The following FARS2 variants were observed in gnomAD, a reference collection of about 807,000 sequenced individuals.
FARS2 encodes the protein phenylalanyl-tRNA synthetase 2, mitochondrial, also known as phenylalanine--tRNA ligase, mitochondrial.
Under a neutral mutation model 46.4 loss-of-function variants are expected in FARS2, and 40 were observed. The ratio of observed to expected loss-of-function variants is 0.86; its 90% CI spans 0.67 to 1.12. FARS2 has a LOEUF of 1.12. Among genes scored for constraint, FARS2 ranks in the 50% most tolerant of loss-of-function variants. The pLI, the probability that FARS2 is intolerant of heterozygous loss-of-function variation, is 0.00. For synonymous variants in FARS2, 234 were observed against 214.9 expected (o/e 1.09, Z -0.78); for missense variants, 513 against 567.9 (o/e 0.90, Z 0.98).
chr6:5,298,862 C>CAAAAA (rs771852149), intron 1 of FARS2, among the ~76,000 whole-genome samples: 2 of 74,756 alleles, frequency 2.7e-5, no homozygotes, highest in Non-Finnish European at 3.0e-5. Flanking sequence ...AACTCCATCT[C>CAAAAA]AAAAAAAAAA....
At chr6:5,691,787 T>C (rs898292645) in intron 6 of FARS2, among the ~76,000 whole-genome samples, 7 of 152,162 alleles carry the variant, frequency 4.6e-5, no homozygotes, top group Admixed American at 2.0e-4. Flanking sequence ...CCCCCAGAGG[T>C]AGAGTCTACA....
chr6:5,250,902 T>C, the FARS2 span, among the ~76,000 whole-genome samples: 19 of 152,352 alleles, frequency 1.2e-4, no homozygotes, highest in African/African-American at 4.1e-4. Context: ...ATTTGGCTGC[T>C]TAAAATAGAA....
chr6:5,362,266 T>A (rs1758352558), intron 1 of FARS2, among the ~76,000 whole-genome samples: 1 of 152,228 alleles, frequency 6.6e-6, no homozygotes, highest in Non-Finnish European at 1.5e-5. Flanking sequence ...GATACTGTGC[T>A]GTTTTTTACC....
chr6:5,282,428 G>A (rs1350517471), intron 1 of FARS2, among the ~76,000 whole-genome samples: 2 of 152,174 alleles, frequency 1.3e-5, no homozygotes, highest in Admixed American at 1.3e-4. Flanking sequence ...TGAGGTTGGT[G>A]GTGGTTTCAG....
chr6:5,576,761 A>C (rs1203558448), intron 5 of FARS2, among the ~76,000 whole-genome samples: 1 of 151,830 alleles, frequency 6.6e-6, no homozygotes, highest in Non-Finnish European at 1.5e-5. Context: ...TATTAATATC[A>C]AAAGGACTTT....
chr6:5,648,207 T>C (rs1340613856), intron 6 of FARS2, among the ~76,000 whole-genome samples: 1 of 152,214 alleles, frequency 6.6e-6, no homozygotes, highest in Non-Finnish European at 1.5e-5. Flanking sequence ...ATTCCTCAAG[T>C]TAAACACAGT....
chr6:5,315,665 A>G (rs1253908818), intron 1 of FARS2, among the ~76,000 whole-genome samples: 6 of 146,444 alleles, frequency 4.1e-5, no homozygotes, highest in African/African-American at 1.5e-4. Flanking sequence ...TCTTGCCAAC[A>G]TATTATTTTG....
chr6:5,585,420 A>G (rs1432771174), intron 5 of FARS2, among the ~76,000 whole-genome samples: 1 of 152,148 alleles, frequency 6.6e-6, no homozygotes, highest in East Asian at 1.9e-4. Context: ...AGATGCCCAG[A>G]ATTTATTAAT....
intron 4 of FARS2, among the ~76,000 whole-genome samples, chr6:5,436,102 A>C (rs1443124136): frequency 3.3e-5 from 5 of 152,234 alleles, no homozygotes; most frequent in African/African-American, 1.2e-4. Flanking sequence ...GTAAGTATTC[A>C]TAACAGGGGT....
intron 6 of FARS2, among the ~76,000 whole-genome samples, chr6:5,648,625 T>G (rs948655583): frequency 1.3e-5 from 2 of 152,154 alleles, no homozygotes; most frequent in Admixed American, 1.3e-4. Flanking sequence ...TGATGCTTTC[T>G]TTTTTTCCCC....
At chr6:5,536,418 T>C (rs1329750773) in intron 4 of FARS2, among the ~76,000 whole-genome samples, 2 of 152,146 alleles carry the variant, frequency 1.3e-5, no homozygotes, top group African/African-American at 2.4e-5. Flanking sequence ...AAAATAGGAG[T>C]GTCTGCTGGG....
chr6:5,370,765 C>A (rs1256371442), intron 2 of FARS2, among the ~76,000 whole-genome samples: 1 of 152,150 alleles, frequency 6.6e-6, no homozygotes, highest in Admixed American at 6.5e-5. Context: ...TAGCCTTCAC[C>A]TTGTTTCATA....
At chr6:5,766,433 C>T (rs1025371596) in intron 6 of FARS2, among the ~76,000 whole-genome samples, 2 of 152,278 alleles carry the variant, frequency 1.3e-5, no homozygotes, top group Admixed American at 6.5e-5. Context: ...CAGCCCACCC[C>T]ACTCACAGTC....
chr6:5,768,956 A>G (rs139278315), intron 6 of FARS2, among the ~76,000 whole-genome samples: 96 of 152,214 alleles, frequency 6.3e-4, no homozygotes, highest in African/African-American at 2.2e-3. Context: ...GTATGCCTTG[A>G]ATTAAAAAAA....
At chr6:5,456,028 G>T (rs1764834890) in intron 4 of FARS2, among the ~76,000 whole-genome samples, 1 of 152,190 alleles carries the variant, frequency 6.6e-6, no homozygotes, top group Admixed American at 6.5e-5. Flanking sequence ...ACCAGCCAGG[G>T]AAACGTGGTG....
chr6:5,736,881 T>G (rs1373712571), intron 6 of FARS2, among the ~76,000 whole-genome samples: 1 of 152,170 alleles, frequency 6.6e-6, no homozygotes, highest in Non-Finnish European at 1.5e-5. Context: ...TGCTGTAATG[T>G]GGAATAACTT....
chr6:5,612,825 T>A (rs1351998277), intron 5 of FARS2, among the ~76,000 whole-genome samples: 1 of 152,196 alleles, frequency 6.6e-6, no homozygotes, highest in Non-Finnish European at 1.5e-5. Context: ...ATGAATTGCA[T>A]GTTAATTAAA....
intron 5 of FARS2, among the ~76,000 whole-genome samples, chr6:5,550,706 T>C (rs907680876): frequency 2.6e-5 from 4 of 152,218 alleles, no homozygotes; most frequent in Admixed American, 2.6e-4. Flanking sequence ...CAATTCCAGC[T>C]GACAGTGTTC....
chr6:5,280,978 A>G (rs1015260936), intron 1 of FARS2, among the ~76,000 whole-genome samples: 1 of 152,134 alleles, frequency 6.6e-6, no homozygotes, highest in Non-Finnish European at 1.5e-5. Context: ...TTTTAATTGT[A>G]TTCTGTCAGA....
Sources: gnomAD v4.1 joint callset for allele counts (sites outside exome capture counted in the v4.1 genomes callset) on GRCh38, gnomAD v4.1.1 for gene constraint, MANE v1.5 for transcripts, NCBI Gene and HGNC (gene_info 2026-07-23, HGNC 2026-07-21) for gene names.